The following SCHIP1 variants were observed in gnomAD, a reference collection of about 807,000 sequenced individuals.
SCHIP1 encodes schwannomin-interacting protein 1.
Under a neutral mutation model 29.7 loss-of-function variants are expected in SCHIP1, and 8 were observed. That is an observed-to-expected ratio of 0.27 (90% CI 0.16 to 0.49). The LOEUF is 0.49. Ranked by LOEUF, SCHIP1 falls within the 20% of genes least tolerant of loss-of-function variation. SCHIP1 has a pLI of 0.99. For missense variants in SCHIP1, 193 were observed against 294.6 expected (o/e 0.66, Z 2.52); for synonymous variants, 76 against 94.9 (o/e 0.80, Z 1.16).
the SCHIP1 span, among the ~76,000 whole-genome samples, chr3:159,496,593 A>T: frequency 6.6e-6 from 1 of 152,234 alleles, no homozygotes. Flanking sequence ...ATCATTAAAA[A>T]GTCAGGAAAC....
At chr3:159,285,343 A>G in the SCHIP1 span, among the ~76,000 whole-genome samples, 88 of 152,246 alleles carry the variant, frequency 5.8e-4, 1 homozygote, top group South Asian at 0.011. Context: ...AAATAGATAG[A>G]TATCTATTTG....
chr3:159,822,802 A>C, the SCHIP1 span, among the ~76,000 whole-genome samples: 1 of 151,744 alleles, frequency 6.6e-6, no homozygotes, highest in Non-Finnish European at 1.5e-5. Flanking sequence ...TGGTATCAGC[A>C]GTCTGCAGGT....
the SCHIP1 span, among the ~76,000 whole-genome samples, chr3:159,421,385 G>A: frequency 6.6e-6 from 1 of 152,216 alleles, no homozygotes; most frequent in African/African-American, 2.4e-5. Flanking sequence ...CTTTCATCAA[G>A]AGGAATCCTG....
the SCHIP1 span, among the ~76,000 whole-genome samples, chr3:159,371,421 C>T: frequency 4.1e-4 from 62 of 152,084 alleles, no homozygotes; most frequent in Non-Finnish European, 6.8e-4. Context: ...GAAGATTTCA[C>T]GGAAGAAAGA....
At chr3:159,392,336 G>C in the SCHIP1 span, among the ~76,000 whole-genome samples, 1 of 152,068 alleles carries the variant, frequency 6.6e-6, no homozygotes, top group Non-Finnish European at 1.5e-5. Context: ...TATACTTTAA[G>C]TTTTAGGGTA....
chr3:159,619,367 G>A, the SCHIP1 span, among the ~76,000 whole-genome samples: 1 of 152,170 alleles, frequency 6.6e-6, no homozygotes, highest in Non-Finnish European at 1.5e-5. Context: ...AGACGTGCAT[G>A]CCTGACAGCC....
chr3:159,661,586 G>C, the SCHIP1 span, among the ~76,000 whole-genome samples: 1 of 152,224 alleles, frequency 6.6e-6, no homozygotes, highest in Non-Finnish European at 1.5e-5. Flanking sequence ...TGGCCTGCAA[G>C]TGAAATGTGC....
chr3:159,394,940 G>A, the SCHIP1 span, among the ~76,000 whole-genome samples: 2 of 152,110 alleles, frequency 1.3e-5, no homozygotes, highest in Non-Finnish European at 2.9e-5. Flanking sequence ...GAATCCGTCT[G>A]GGCCTGGACT....
At chr3:159,484,661 A>G in the SCHIP1 span, among the ~76,000 whole-genome samples, 2 of 152,224 alleles carry the variant, frequency 1.3e-5, no homozygotes, top group Non-Finnish European at 2.9e-5. Context: ...AATATCAATC[A>G]TGTTGCAACT....
chr3:159,515,808 T>A, the SCHIP1 span, among the ~76,000 whole-genome samples: 2 of 152,172 alleles, frequency 1.3e-5, no homozygotes, highest in Non-Finnish European at 2.9e-5. Flanking sequence ...ATTGAACACA[T>A]ACTGTGTAGC....
chr3:159,500,146 GT>G, the SCHIP1 span, among the ~76,000 whole-genome samples: 130 of 146,842 alleles, frequency 8.9e-4, no homozygotes, highest in African/African-American at 2.8e-3. Flanking sequence ...TTGTTTTTTT[GT>G]TTTTTTTTTA....
chr3:159,744,981 C>CA, the SCHIP1 span, among the ~76,000 whole-genome samples: 1,673 of 147,562 alleles, frequency 0.011, 21 homozygotes, highest in African/African-American at 0.028. Flanking sequence ...GACTCCGTCT[C>CA]AAAAAAAAAA....
At chr3:159,362,696 G>C in the SCHIP1 span, among the ~76,000 whole-genome samples, 1 of 152,132 alleles carries the variant, frequency 6.6e-6, no homozygotes, top group Non-Finnish European at 1.5e-5. Context: ...TACAGGCCAG[G>C]ATTTCCCCCC....
the SCHIP1 span, among the ~76,000 whole-genome samples, chr3:159,421,819 T>C: frequency 2.4e-4 from 36 of 152,314 alleles, no homozygotes; most frequent in African/African-American, 8.4e-4. Flanking sequence ...TTCCTAACCC[T>C]CCACCACCTA....
At chr3:159,494,503 G>A in the SCHIP1 span, among the ~76,000 whole-genome samples, 1 of 152,178 alleles carries the variant, frequency 6.6e-6, no homozygotes, top group Non-Finnish European at 1.5e-5. Context: ...AGAAAATCTA[G>A]AAGAAATGGA....
chr3:159,292,097 A>T, the SCHIP1 span, among the ~76,000 whole-genome samples: 2 of 152,130 alleles, frequency 1.3e-5, no homozygotes, highest in African/African-American at 4.8e-5. Context: ...TATTGAAGAA[A>T]ACTTCCATGT....
the SCHIP1 span, among the ~76,000 whole-genome samples, chr3:159,524,102 C>T: frequency 3.3e-5 from 5 of 152,164 alleles, no homozygotes; most frequent in African/African-American, 1.2e-4. Flanking sequence ...TGATCACCCT[C>T]ATCAATTAAC....
chr3:159,781,497 G>A, the SCHIP1 span, among the ~76,000 whole-genome samples: 17 of 152,182 alleles, frequency 1.1e-4, no homozygotes, highest in Non-Finnish European at 2.2e-4. Flanking sequence ...TTTTTAAATT[G>A]CTTATGTGAA....
At chr3:159,339,121 G>T in the SCHIP1 span, among the ~76,000 whole-genome samples, 1 of 151,950 alleles carries the variant, frequency 6.6e-6, no homozygotes, top group Non-Finnish European at 1.5e-5. Flanking sequence ...GCCATCTCCA[G>T]GTTTTCATCT....
Sources: gnomAD v4.1 joint callset for allele counts (sites outside exome capture counted in the v4.1 genomes callset) on GRCh38, gnomAD v4.1.1 for gene constraint, MANE v1.5 for transcripts, NCBI Gene and HGNC (gene_info 2026-07-23, HGNC 2026-07-21) for gene names.